CPNE2: variants seen among roughly 807,000 people sequenced by gnomAD.
CPNE2 encodes copine 2.
In CPNE2, 42 loss-of-function variants were observed where a neutral mutation model predicts 69.7. That is an observed-to-expected ratio of 0.60 (90% CI 0.47 to 0.78). CPNE2 has a LOEUF of 0.78. Among genes scored for constraint, CPNE2 ranks in the 30% least tolerant of loss-of-function variants. The pLI, the probability that CPNE2 is intolerant of heterozygous loss-of-function variation, is 0.00. For missense variants in CPNE2, 587 were observed against 732.0 expected, an observed-to-expected ratio of 0.80 and a Z score of 2.29; for synonymous variants, 294 against 289.8, an observed-to-expected ratio of 1.01 and a Z score of -0.15.
chr16:57,105,795 G>A (rs1335242361), intron 1 of CPNE2, among the ~76,000 whole-genome samples: 1 of 152,144 alleles, frequency 6.6e-6, no homozygotes, highest in Non-Finnish European at 1.5e-5. Flanking sequence ...CAGAAGGGCT[G>A]TGCCCATCTG....
At chr16:57,111,915 T>C (rs150034854) in intron 2 of CPNE2, among the ~76,000 whole-genome samples, 13 of 152,342 alleles carry the variant, frequency 8.5e-5, no homozygotes, top group Admixed American at 3.3e-4. Context: ...GGAGTAAATG[T>C]AGAGAATCCA....
intron 4 of CPNE2, among the ~76,000 whole-genome samples, chr16:57,116,341 C>A (rs2069719233): frequency 6.6e-6 from 1 of 152,154 alleles, no homozygotes; most frequent in Admixed American, 6.5e-5. Context: ...CCCCACGGAT[C>A]ACCACCTCCC....
chr16:57,127,959 C>A, intron 12 of CPNE2, 56 bp downstream of exon 12: 1 of 1,562,400 alleles, frequency 6.4e-7, no homozygotes, highest in Non-Finnish European at 8.8e-7. Flanking sequence ...GTGTGTGTGG[C>A]CTCTCGGGGA....
chr16:57,127,313 G>A (rs1183121680), intron 11 of CPNE2, among the ~76,000 whole-genome samples: 2 of 152,200 alleles, frequency 1.3e-5, no homozygotes, highest in Non-Finnish European at 2.9e-5. Flanking sequence ...GGAATGTGAA[G>A]GTACCCTATG....
chr16:57,118,167 C>CT (rs375042587), intron 5 of CPNE2, among the ~76,000 whole-genome samples: 1,412 of 135,902 alleles, frequency 0.01, 10 homozygotes, highest in East Asian at 0.052. Context: ...TACTTTCTTT[C>CT]TTTTTTTTTT....
At chr16:57,110,224 C>CTTTTT (rs145923720) in intron 1 of CPNE2, among the ~76,000 whole-genome samples, 3 of 119,034 alleles carry the variant, frequency 2.5e-5, no homozygotes, top group Non-Finnish European at 3.6e-5. Context: ...CTTTTCTTTT[C>CTTTTT]TTTTTTTTTT....
chr16:57,093,436 T>C (rs965242995), intron 1 of CPNE2, among the ~76,000 whole-genome samples: 4 of 152,130 alleles, frequency 2.6e-5, no homozygotes, highest in Non-Finnish European at 5.9e-5. Context: ...CCCTCTCTTA[T>C]TCCCCGTTTC....
At chr16:57,124,726 G>A (rs1483919663) in intron 10 of CPNE2, 4 of 247,914 alleles carry the variant, frequency 1.6e-5, no homozygotes, top group East Asian at 1.1e-4. Flanking sequence ...ACCTCCCCAT[G>A]TTGTCTCACC....
chr16:57,147,237 CAGG>C (rs1340523044), intron 15 of CPNE2: 1 of 271,852 alleles, frequency 3.7e-6, no homozygotes, highest in East Asian at 6.4e-5. Flanking sequence ...AGAAGGTGCT[CAGG>C]AGATGTTTGC....
At chr16:57,138,195 C>T (rs79333936) in intron 14 of CPNE2, among the ~76,000 whole-genome samples, 9,348 of 152,230 alleles carry the variant, frequency 0.061, 394 homozygotes, top group Middle Eastern at 0.13. Flanking sequence ...TGGGAGACCT[C>T]GGCCAGCCCC....
At chr16:57,102,064 C>G (rs1296337836) in intron 1 of CPNE2, among the ~76,000 whole-genome samples, 2 of 151,896 alleles carry the variant, frequency 1.3e-5, no homozygotes, top group Non-Finnish European at 1.5e-5. Flanking sequence ...CCCCCCATCT[C>G]AGCCTCCCAA....
intron 12 of CPNE2, among the ~76,000 whole-genome samples, chr16:57,132,332 G>C (rs1020454684): frequency 1.3e-5 from 2 of 152,216 alleles, no homozygotes; most frequent in Non-Finnish European, 2.9e-5. Flanking sequence ...GAGTTACTCA[G>C]ATGAGGAACG....
chr16:57,115,733 C>T (rs2305699), intron 4 of CPNE2, among the ~76,000 whole-genome samples, 183 bp downstream of exon 4: 1 of 152,190 alleles, frequency 6.6e-6, no homozygotes, highest in Non-Finnish European at 1.5e-5. Flanking sequence ...GCAGTGGGGG[C>T]TGACAAGCTG....
intron 1 of CPNE2, among the ~76,000 whole-genome samples, chr16:57,093,441 C>T (rs1417692414): frequency 1.3e-5 from 2 of 152,158 alleles, no homozygotes; most frequent in African/African-American, 4.8e-5. Flanking sequence ...TCTTATTCCC[C>T]GTTTCTCACA....
chr16:57,120,196 G>A (rs1242335896), intron 7 of CPNE2, among the ~76,000 whole-genome samples: 5 of 151,762 alleles, frequency 3.3e-5, no homozygotes, highest in African/African-American at 7.3e-5. Context: ...TCACTTGAAT[G>A]TGGGAGGCGG....
chr16:57,113,497 G>C (rs1220603246), intron 3 of CPNE2, 30 bp downstream of exon 3: 4 of 1,602,600 alleles, frequency 2.5e-6, no homozygotes. Flanking sequence ...GTGGGAGCAG[G>C]GGCCCAAAGA....
chr16:57,099,923 G>A (rs983824349), intron 1 of CPNE2, among the ~76,000 whole-genome samples: 3 of 151,876 alleles, frequency 2.0e-5, no homozygotes, highest in Non-Finnish European at 2.9e-5. Flanking sequence ...CTACAGGCGC[G>A]TGCACCACGC....
intron 15 of CPNE2, 152 bp from the exon 16 acceptor site, chr16:57,147,399 A>G (rs2145290870): frequency 2.1e-6 from 1 of 466,394 alleles, no homozygotes; most frequent in Non-Finnish European, 3.8e-6. Context: ...GAGATGAGGG[A>G]TGCCACTTGC....
intron 7 of CPNE2, among the ~76,000 whole-genome samples, chr16:57,120,268 C>G (rs1328686740): frequency 3.0e-5 from 4 of 133,934 alleles, no homozygotes; most frequent in African/African-American, 1.2e-4. Flanking sequence ...AAGATTCTGT[C>G]TCAAAAAAAA....
Sources: allele counts gnomAD v4.1 joint callset (sites outside exome capture counted in the v4.1 genomes callset), GRCh38; gene constraint gnomAD v4.1.1; transcripts MANE v1.5; gene names NCBI Gene and HGNC (gene_info 2026-07-23, HGNC 2026-07-21).